CCDC178: variants seen among roughly 807,000 people sequenced by gnomAD.
CCDC178 encodes the protein coiled-coil domain-containing protein 178.
Under a neutral mutation model 117.4 loss-of-function variants are expected in CCDC178, and 126 were observed. That is an observed-to-expected ratio of 1.07 (90% confidence interval 0.93 to 1.24). The LOEUF (loss-of-function observed/expected upper bound fraction) is 1.24, where lower values mean the gene tolerates loss of function less well. CCDC178 is among the 50% of genes most tolerant of loss of function. The pLI, the probability that CCDC178 is intolerant of heterozygous loss-of-function variation, is 0.00. For missense variants in CCDC178, 1,030 were observed against 986.9 expected (o/e 1.04, Z -0.59); for synonymous variants, 283 against 313.4 (o/e 0.90, Z 1.02).
intron 21 of CCDC178, among the ~76,000 whole-genome samples, chr18:33,058,060 A>G (rs796807073): frequency 2.1e-4 from 32 of 151,254 alleles, no homozygotes; most frequent in African/African-American, 7.9e-4. Flanking sequence ...GGATTGTAAA[A>G]TGGTACTGCC....
intron 2 of CCDC178, among the ~76,000 whole-genome samples, chr18:33,439,669 G>T (rs1394026712): frequency 6.6e-6 from 1 of 152,146 alleles, no homozygotes; most frequent in Non-Finnish European, 1.5e-5. Context: ...TATTACTACA[G>T]CAGGACCAAG....
At chr18:32,949,311 C>T (rs2054424462) in intron 22 of CCDC178, among the ~76,000 whole-genome samples, 1 of 151,968 alleles carries the variant, frequency 6.6e-6, no homozygotes, top group African/African-American at 2.4e-5. Flanking sequence ...AAAAATTAAC[C>T]ATGATTTTTT....
chr18:33,328,083 ATTTTTTTTTTTTTT>A lies in CCDC178; in HGVS notation c.880-4464_880-4451del, dbSNP rs771034112. 276 of 100,632 alleles carry A rather than the reference ATTTTTTTTTTTTTT, an allele frequency of 2.7e-3. 1 individual carries two copies. Among genetic ancestry groups the A allele is most frequent in the Non-Finnish European group, 3.9e-3 (235 of 60,508 alleles). 6.2% of individuals were successfully genotyped at this position (100,632 alleles called of 1,614,324 possible). A position where few individuals can be genotyped will look rare whatever the true frequency, so the allele number is the denominator to read the frequency against. On this transcript the variant is annotated intron_variant, in intron 10 of 22. Transcript: ENST00000383096. The stretch of plus-strand genomic sequence containing the variant: ...CAAGGTCATAAAGATTTATCCCTAG[ATTTTTTTTTTTTTT>A]TTTTTTTTTTTTTTTTTTTTTTTGA...
chr18:33,185,379 A>G (rs1333007094), intron 20 of CCDC178, among the ~76,000 whole-genome samples: 3 of 152,088 alleles, frequency 2.0e-5, no homozygotes. Flanking sequence ...TATGGATGAA[A>G]GGGGTAAGAG....
intron 20 of CCDC178, among the ~76,000 whole-genome samples, chr18:33,155,365 C>T (rs557512349): frequency 2.5e-4 from 38 of 152,028 alleles, no homozygotes; most frequent in African/African-American, 8.9e-4. Context: ...TAAAGCTATG[C>T]TTAGATAATA....
At chr18:33,181,360 A>G (rs1330716964) in intron 20 of CCDC178, among the ~76,000 whole-genome samples, 1 of 151,894 alleles carries the variant, frequency 6.6e-6, no homozygotes, top group Non-Finnish European at 1.5e-5. Flanking sequence ...TCTTATACTA[A>G]CTTCCTTTAA....
chr18:33,004,684 C>T (rs573605343), intron 21 of CCDC178, among the ~76,000 whole-genome samples: 13 of 151,740 alleles, frequency 8.6e-5, no homozygotes, highest in Non-Finnish European at 1.6e-4. Context: ...GACAACCCAT[C>T]GGATGGGTGA....
intron 21 of CCDC178, among the ~76,000 whole-genome samples, chr18:33,000,998 T>G (rs2055618717): frequency 6.6e-6 from 1 of 152,130 alleles, no homozygotes; most frequent in African/African-American, 2.4e-5. Context: ...TGATCAAAAA[T>G]AATAACTACG....
At chr18:32,968,153 G>A (rs1045454087) in intron 22 of CCDC178, among the ~76,000 whole-genome samples, 1 of 151,682 alleles carries the variant, frequency 6.6e-6, no homozygotes, top group African/African-American at 2.4e-5. Context: ...CTCTTCTCTA[G>A]CCTCTCCCCA....
chr18:33,006,299 GT>G (rs1315497917), intron 21 of CCDC178, among the ~76,000 whole-genome samples: 2 of 152,156 alleles, frequency 1.3e-5, no homozygotes, highest in East Asian at 3.9e-4. Context: ...TACCTACACA[GT>G]CACAATCAGT....
intron 21 of CCDC178, among the ~76,000 whole-genome samples, chr18:33,024,070 T>C (rs1301870876): frequency 6.6e-6 from 1 of 152,196 alleles, no homozygotes; most frequent in Non-Finnish European, 1.5e-5. Flanking sequence ...TAAACAAGCA[T>C]AATACTATTA....
intron 2 of CCDC178, among the ~76,000 whole-genome samples, chr18:33,414,325 GA>G (rs920129368): frequency 6.6e-5 from 10 of 150,396 alleles, no homozygotes; most frequent in South Asian, 2.1e-4. Flanking sequence ...AGCAAATTTA[GA>G]AAAAAAAACT....
At position 33,059,861 on chromosome 18, in the gene CCDC178, G is replaced by A. The variant is rs141071947; in HGVS notation, c.2388+32900C>T. On this transcript the variant is annotated intron_variant, in intron 21 of 22. Transcript: ENST00000383096. ...TAAAATGTTTCAATGTCTTCCCATT[G>A]TCTGTGGAATAAAATTCAAAGCTAT... 1.7e-3 allele frequency among the ~76,000 whole-genome samples: 261 copies of A among 152,150 alleles called. 2 individuals are homozygous for A. The highest frequency in any genetic ancestry group is 6.0e-3 in the African/African-American group (251 of 41,532).
chr18:33,420,935 T>C (rs1240522111), intron 2 of CCDC178, among the ~76,000 whole-genome samples: 3 of 152,178 alleles, frequency 2.0e-5, no homozygotes, highest in Non-Finnish European at 4.4e-5. Flanking sequence ...CAATGGAACT[T>C]AGAAAATATT....
chr18:33,176,576 AAT>A (rs1330631398), intron 20 of CCDC178, among the ~76,000 whole-genome samples: 6 of 152,116 alleles, frequency 3.9e-5, no homozygotes, highest in Non-Finnish European at 8.8e-5. Flanking sequence ...CTAGAAGACA[AAT>A]ATCTTCACTT....
At chr18:33,155,799 A>C (rs1251366565) in intron 20 of CCDC178, among the ~76,000 whole-genome samples, 1 of 152,144 alleles carries the variant, frequency 6.6e-6, no homozygotes, top group East Asian at 1.9e-4. Flanking sequence ...AGGAACACAT[A>C]CTAGCAGACC....
chr18:33,112,584 A>T (rs1454327149), intron 20 of CCDC178, among the ~76,000 whole-genome samples: 1 of 151,852 alleles, frequency 6.6e-6, no homozygotes, highest in Non-Finnish European at 1.5e-5. Flanking sequence ...TGTTTTCCTG[A>T]AAGATAAAGT....
chr18:33,278,834 A>C (rs1023999170), intron 12 of CCDC178, among the ~76,000 whole-genome samples: 77 of 152,306 alleles, frequency 5.1e-4, no homozygotes, highest in African/African-American at 1.8e-3. Context: ...CCAGCATATA[A>C]ACAGAACCAA....
At chr18:33,227,472 T>C (rs1160366092) in intron 15 of CCDC178, among the ~76,000 whole-genome samples, 2 of 150,562 alleles carry the variant, frequency 1.3e-5, no homozygotes, top group African/African-American at 4.9e-5. Context: ...TTGGAACCCC[T>C]GATTTGAGGG....
Sources: allele counts gnomAD v4.1 joint callset (sites outside exome capture counted in the v4.1 genomes callset), GRCh38; gene constraint gnomAD v4.1.1; transcripts MANE v1.5; gene names NCBI Gene and HGNC (gene_info 2026-07-23, HGNC 2026-07-21).